Variants in CELF2 observed in about 807,000 individuals in gnomAD.
CELF2 encodes the protein CUGBP Elav-like family member 2.
CELF2 carries 8 observed loss-of-function variants against 62.6 expected under a neutral mutation model. The observed-to-expected ratio is 0.13, with a 90% confidence interval of 0.07 to 0.23. The LOEUF is 0.23. CELF2 is among the 10% of genes least tolerant of loss of function. CELF2 has a pLI of 1.00. For missense variants in CELF2, 333 were observed against 671.0 expected (o/e 0.50, Z 5.56); for synonymous variants, 258 against 250.0 (o/e 1.03, Z -0.30).
chr10:11,012,486 C>G lies in CELF2; in HGVS notation c.53+7046C>G, dbSNP rs2056621731. Reference sequence around the variant, plus strand: ...TAGAGAATTTGATTCCTGCCAAGATCCGTCTCAGACAACCCCACCCTCAAG... The same window carrying G: ...TAGAGAATTTGATTCCTGCCAAGATGCGTCTCAGACAACCCCACCCTCAAG... On this transcript the variant is annotated intron_variant, in intron 1 of 12. Transcript: ENST00000416382. This position sits in a 1 kb window ranked among gnomAD's most constrained non-coding sequence, Gnocchi z 5.5. Among the ~76,000 whole-genome samples the G allele has an allele frequency of 6.6e-6, 1 of 152,216 alleles. No individual in the cohort carries two copies. The highest frequency in any genetic ancestry group is 1.5e-5 in the Non-Finnish European group (1 of 68,034).
chr10:11,314,088 C>G lies in CELF2; in HGVS notation c.977-51C>G, dbSNP rs765355093. The G allele has an allele frequency of 8.4e-6, 13 of 1,555,422 alleles. No individual in the cohort carries two copies. The East Asian group carries it at 2.3e-4, about 27-fold the overall frequency. On this transcript the variant is annotated intron_variant, in intron 9 of 12. Coordinates refer to ENST00000633077, the MANE Select transcript of CELF2 (RefSeq NM_001326342.2). The surrounding 1 kb of genome is among the most constrained non-coding windows in gnomAD (Gnocchi z 5.3). ...GACAGAAGGATTTCCAGTCTCGGCT[C>G]TCACTCACCTCGTGTCTTCTCTCCC...
intron 1 of CELF2, among the ~76,000 whole-genome samples, chr10:11,111,356 C>A (rs559900024): frequency 6.6e-6 from 1 of 152,168 alleles, no homozygotes; most frequent in South Asian, 2.1e-4. Context: ...AGAGTGGATT[C>A]TGTTGCGAGG....
chr10:11,164,876 G>A (rs952680119), intron 1 of CELF2, among the ~76,000 whole-genome samples: 1 of 152,124 alleles, frequency 6.6e-6, no homozygotes, highest in Admixed American at 6.5e-5. Context: ...TAGCAACAAC[G>A]TACTAATTTG....
intron 2 of CELF2, among the ~76,000 whole-genome samples, chr10:10,967,657 C>T (rs2050274955): frequency 6.6e-6 from 1 of 152,132 alleles, no homozygotes; most frequent in African/African-American, 2.4e-5. Context: ...GCTGGAGGGG[C>T]CTCGGGCTGA....
chr10:10,987,413 T>C (rs1019881977), intron 2 of CELF2, among the ~76,000 whole-genome samples: 2 of 152,158 alleles, frequency 1.3e-5, no homozygotes, highest in Admixed American at 6.6e-5. Context: ...CTTAGTTGAA[T>C]GAAAATAAAT....
At chr10:10,708,880 G>A in the CELF2 span, among the ~76,000 whole-genome samples, 11 of 152,038 alleles carry the variant, frequency 7.2e-5, no homozygotes, top group Non-Finnish European at 1.3e-4. Flanking sequence ...ACACGCACAC[G>A]CACACCGTAT....
chr10:10,828,854 G>T (rs902697795), intron 1 of CELF2, among the ~76,000 whole-genome samples: 2 of 152,174 alleles, frequency 1.3e-5, no homozygotes, highest in Non-Finnish European at 2.9e-5. Context: ...ATGGATGAAG[G>T]AATGCATGAT....
intron 1 of CELF2, among the ~76,000 whole-genome samples, chr10:11,056,680 C>T (rs2065314529): frequency 6.6e-6 from 1 of 152,058 alleles, no homozygotes; most frequent in Non-Finnish European, 1.5e-5. Flanking sequence ...AGAAATGAGC[C>T]TTGTGAAACA....
rs539171770 is a variant in CELF2, at chr10:10,819,167, T to C, written c.53+20350T>C. Among the ~76,000 whole-genome samples the C allele has an allele frequency of 3.9e-5, 6 of 152,306 alleles. No individual in the cohort carries two copies. The South Asian group carries it at 1.0e-3, about 26-fold the overall frequency. On this transcript the variant is annotated intron_variant, in intron 1 of 13. Coordinates refer to the CELF2 transcript ENST00000636488. ...GCTGTTCAGTATACCTCTCAAGGTGTTGGGTATTTGAATTATGAAACTATA... is the reference window on the plus strand; with the variant it reads ...GCTGTTCAGTATACCTCTCAAGGTGCTGGGTATTTGAATTATGAAACTATA...
the CELF2 span, among the ~76,000 whole-genome samples, chr10:10,723,548 G>T: frequency 5.9e-5 from 9 of 152,260 alleles, no homozygotes; most frequent in Non-Finnish European, 1.3e-4. Flanking sequence ...CTTAAAATGT[G>T]AATCCATTTT....
intron 2 of CELF2, among the ~76,000 whole-genome samples, chr10:10,926,246 G>C (rs921467627): frequency 6.6e-6 from 1 of 152,110 alleles, no homozygotes; most frequent in Non-Finnish European, 1.5e-5. Context: ...AATGGGAGGT[G>C]GTGAGGTCAT....
In CELF2 at chr10:11,005,999, A is replaced by G. The variant is rs1452787382; in HGVS notation, c.53+559A>G. Among the ~76,000 whole-genome samples the G allele has an allele frequency of 1.3e-5, 2 of 152,006 alleles. No individual in the cohort carries two copies. Among genetic ancestry groups the G allele is most frequent in the Non-Finnish European group, 2.9e-5 (2 of 67,994 alleles). ...TGCATGGCGTCCTGGGTCCCCATGT[A>G]TTGAAAGCAAATATTTGTTTCCTGC... On this transcript the variant is annotated intron_variant, in intron 1 of 12. Coordinates refer to the CELF2 transcript ENST00000416382. This position sits in a 1 kb window ranked among gnomAD's most constrained non-coding sequence, Gnocchi z 4.3.
At chr10:10,622,095 C>T in the CELF2 span, among the ~76,000 whole-genome samples, 2 of 152,232 alleles carry the variant, frequency 1.3e-5, no homozygotes, top group Non-Finnish European at 2.9e-5. Context: ...CTTGTCCTCT[C>T]GTCCTGACAG....
At chr10:10,598,910 G>A in the CELF2 span, among the ~76,000 whole-genome samples, 98 of 151,324 alleles carry the variant, frequency 6.5e-4, no homozygotes, top group Middle Eastern at 0.01. Context: ...GCACCACCAC[G>A]CCTGGCTTAT....
At chr10:11,263,630 A>G (rs1372227258) in intron 5 of CELF2, among the ~76,000 whole-genome samples, 1 of 152,164 alleles carries the variant, frequency 6.6e-6, no homozygotes, top group Non-Finnish European at 1.5e-5. Flanking sequence ...GACAGTTACA[A>G]CCCAGGTTAT....
intron 1 of CELF2, among the ~76,000 whole-genome samples, chr10:11,131,246 C>T (rs2059581946): frequency 6.6e-6 from 1 of 152,186 alleles, no homozygotes; most frequent in South Asian, 2.1e-4. Context: ...GAGTGTCATA[C>T]AGGAAACCAG....
chr10:11,039,085 C>G lies in CELF2; in HGVS notation c.74+20922C>G, dbSNP rs907205912. Among the ~76,000 whole-genome samples, 1 of 152,204 alleles carries G rather than the reference C, an allele frequency of 6.6e-6. No homozygotes were observed. The highest frequency in any genetic ancestry group is 1.5e-5 in the Non-Finnish European group (1 of 68,030). On this transcript the variant is annotated intron_variant, in intron 1 of 12. Transcript: ENST00000633077. This position sits in a 1 kb window ranked among gnomAD's most constrained non-coding sequence, Gnocchi z 4.1. ...TGTGCACACGCGCTTGCATCCACAC[C>G]ACTCTCATGGCATCGACCATGTAAC...
intron 2 of CELF2, among the ~76,000 whole-genome samples, chr10:11,167,665 A>T (rs959535112): frequency 5.3e-5 from 8 of 152,196 alleles, no homozygotes; most frequent in African/African-American, 1.9e-4. Flanking sequence ...CATTTTGTTA[A>T]CTTCTGTTCA....
At chr10:10,730,047 A>G in the CELF2 span, among the ~76,000 whole-genome samples, 1 of 152,354 alleles carries the variant, frequency 6.6e-6, no homozygotes, top group East Asian at 1.9e-4. Context: ...GATAGAGAAA[A>G]TGACACTATC....
Sources: gnomAD v4.1 joint callset for allele counts (sites outside exome capture counted in the v4.1 genomes callset) on GRCh38, gnomAD v4.1.1 for gene constraint, Gnocchi (gnomAD v3.1) non-coding constraint, MANE v1.5 for transcripts, NCBI Gene and HGNC (gene_info 2026-07-23, HGNC 2026-07-21) for gene names.